Variants in ARHGAP26 observed in about 807,000 individuals in gnomAD.
ARHGAP26 encodes the protein Rho GTPase activating protein 26, also known as rho GTPase-activating protein 26.
A neutral mutation model predicts 104.8 loss-of-function variants in ARHGAP26; 38 were observed. That is an observed-to-expected ratio of 0.36 (90% CI 0.28 to 0.48). The LOEUF is 0.48. ARHGAP26 is among the 20% of genes least tolerant of loss of function. ARHGAP26 has a pLI of 0.99. For synonymous variants in ARHGAP26, 341 were observed against 340.0 expected (o/e 1.00, Z -0.03); for missense variants, 704 against 947.9 (o/e 0.74, Z 3.38).
intron 1 of ARHGAP26, among the ~76,000 whole-genome samples, chr5:142,781,926 A>T (rs1334008825): frequency 2.0e-5 from 3 of 152,162 alleles, no homozygotes; most frequent in Admixed American, 6.5e-5. Flanking sequence ...CGTGTTACTC[A>T]GGATGGTCTC....
intron 11 of ARHGAP26, among the ~76,000 whole-genome samples, chr5:142,964,005 A>G (rs1052495424): frequency 6.6e-6 from 1 of 152,354 alleles, no homozygotes; most frequent in Non-Finnish European, 1.5e-5. Context: ...ATAAGGATCA[A>G]TGGGAAATCA....
chr5:142,949,164 C>CGAGAGAGAGAGAGAGA (rs1767641310), intron 11 of ARHGAP26, among the ~76,000 whole-genome samples: 1 of 40,602 alleles, frequency 2.5e-5, no homozygotes, highest in Admixed American at 3.9e-4. Flanking sequence ...AGTTGAATTT[C>CGAGAGAGAGAGAGAGA]CAGAGAGAGA....
At chr5:143,147,555 C>G (rs1025590947) in intron 20 of ARHGAP26, 174 bp downstream of exon 20, 1 of 661,682 alleles carries the variant, frequency 1.5e-6, no homozygotes. Context: ...GCATCATCAT[C>G]TCAGAGGGAG....
At chr5:142,837,227 G>A (rs889485144) in intron 1 of ARHGAP26, among the ~76,000 whole-genome samples, 10 of 152,170 alleles carry the variant, frequency 6.6e-5, no homozygotes, top group African/African-American at 2.4e-4. Flanking sequence ...AAACAAAAGG[G>A]TAGACGTCAT....
At chr5:142,826,514 C>T (rs745598246) in intron 1 of ARHGAP26, among the ~76,000 whole-genome samples, 17 of 152,236 alleles carry the variant, frequency 1.1e-4, no homozygotes, top group Non-Finnish European at 2.4e-4. Context: ...TACGTGCTAG[C>T]ACGAGGATTA....
chr5:143,187,245 T>C (rs146034563), intron 20 of ARHGAP26, among the ~76,000 whole-genome samples: 343 of 152,324 alleles, frequency 2.3e-3, no homozygotes, highest in African/African-American at 7.8e-3. Context: ...GACCCTAAAC[T>C]CCTGCACTTA....
chr5:143,016,593 C>T (rs933593619), intron 12 of ARHGAP26, among the ~76,000 whole-genome samples: 17 of 151,828 alleles, frequency 1.1e-4, no homozygotes, highest in African/African-American at 3.1e-4. Flanking sequence ...ATGCCAGCTA[C>T]TCAGGAAGCT....
At chr5:143,102,414 G>A (rs933295561) in intron 17 of ARHGAP26, among the ~76,000 whole-genome samples, 4 of 152,172 alleles carry the variant, frequency 2.6e-5, no homozygotes, top group African/African-American at 9.7e-5. Context: ...ATGCAGAAAA[G>A]GGGTGCTTGT....
At chr5:142,875,368 C>A (rs1047837203) in intron 3 of ARHGAP26, among the ~76,000 whole-genome samples, 197 bp downstream of exon 3, 1 of 152,198 alleles carries the variant, frequency 6.6e-6, no homozygotes, top group African/African-American at 2.4e-5. Context: ...AACTTTAGAA[C>A]AACGTAGTTA....
At chr5:142,974,444 G>A (rs967481317) in intron 11 of ARHGAP26, among the ~76,000 whole-genome samples, 2 of 151,972 alleles carry the variant, frequency 1.3e-5, no homozygotes, top group African/African-American at 4.8e-5. Context: ...ACAGGCAATG[G>A]CCCTCTTTAC....
intron 8 of ARHGAP26, among the ~76,000 whole-genome samples, chr5:142,906,554 C>T (rs2152465890): frequency 1.3e-5 from 2 of 152,304 alleles, no homozygotes; most frequent in South Asian, 4.2e-4. Context: ...TCCATCTTTC[C>T]ATTGTCAGTT....
intron 11 of ARHGAP26, among the ~76,000 whole-genome samples, chr5:142,993,158 G>GTT (rs746933068): frequency 2.4e-3 from 246 of 102,580 alleles, no homozygotes; most frequent in Non-Finnish European, 2.9e-3. Flanking sequence ...TTTTTGTGTG[G>GTT]TTTTTTTTTT....
intron 20 of ARHGAP26, among the ~76,000 whole-genome samples, chr5:143,196,435 C>T (rs1171684786): frequency 6.6e-6 from 1 of 152,194 alleles, no homozygotes; most frequent in Non-Finnish European, 1.5e-5. Flanking sequence ...ACAGAGTGAG[C>T]TTCCTGTAAG....
At chr5:143,038,764 C>T (rs13186856) in intron 13 of ARHGAP26, among the ~76,000 whole-genome samples, 17,210 of 129,638 alleles carry the variant, frequency 0.13, 2,849 homozygotes, top group African/African-American at 0.4. Flanking sequence ...AATGCAGTCT[C>T]GGTTCACTGC....
At chr5:143,155,445 GT>G (rs1800364525) in intron 20 of ARHGAP26, among the ~76,000 whole-genome samples, 1 of 152,208 alleles carries the variant, frequency 6.6e-6, no homozygotes, top group Non-Finnish European at 1.5e-5. Flanking sequence ...GCTTCCCTTG[GT>G]TGAGGGTGGA....
chr5:142,871,857 C>T lies in ARHGAP26; in HGVS notation c.155-1543C>T, dbSNP rs977902072. ...GAAAGTGACTGAACGAGGGAGAGAT[C>T]GGAGACTGTTGGCTCCTGTGTTCCC... On this transcript the variant is annotated intron_variant, in intron 1 of 22. Coordinates refer to ENST00000645722, the MANE Select transcript of ARHGAP26 (RefSeq NM_001135608.3). This position sits in a 1 kb window ranked among gnomAD's most constrained non-coding sequence, Gnocchi z 4.1. 3.9e-5 allele frequency among the ~76,000 whole-genome samples: 6 copies of T among 152,304 alleles called. No homozygotes were observed. The highest frequency in any genetic ancestry group is 3.9e-4 in the East Asian group (2 of 5,176).
At chr5:143,050,830 A>G (rs1489324578) in intron 14 of ARHGAP26, among the ~76,000 whole-genome samples, 1 of 152,204 alleles carries the variant, frequency 6.6e-6, no homozygotes, top group African/African-American at 2.4e-5. Flanking sequence ...CAATACGGCT[A>G]CTAATCACAA....
intron 1 of ARHGAP26, among the ~76,000 whole-genome samples, chr5:142,804,588 T>C (rs1291307905): frequency 6.6e-6 from 1 of 152,056 alleles, no homozygotes; most frequent in Non-Finnish European, 1.5e-5. Context: ...GCCTCCTGGG[T>C]TCAAGCAATT....
chr5:142,791,555 T>A (rs145192320), intron 1 of ARHGAP26, among the ~76,000 whole-genome samples: 1 of 152,350 alleles, frequency 6.6e-6, no homozygotes, highest in East Asian at 1.9e-4. Context: ...AGAAATGGAC[T>A]GATGGCTGAC....
Sources: gnomAD v4.1 joint callset for allele counts (sites outside exome capture counted in the v4.1 genomes callset) on GRCh38, gnomAD v4.1.1 for gene constraint, Gnocchi (gnomAD v3.1) non-coding constraint, MANE v1.5 for transcripts, NCBI Gene and HGNC (gene_info 2026-07-23, HGNC 2026-07-21) for gene names.